The following SOBP variants were observed in gnomAD, a reference collection of about 807,000 sequenced individuals.
The protein encoded by SOBP is sine oculis-binding protein homolog.
A neutral mutation model predicts 53.6 loss-of-function variants in SOBP; 4 were observed. The ratio of observed to expected loss-of-function variants is 0.07; its 90% CI spans 0.04 to 0.17. The LOEUF (loss-of-function observed/expected upper bound fraction) is 0.17, where lower values mean the gene tolerates loss of function less well. SOBP is among the 10% of genes least tolerant of loss of function. The pLI is 1.00. For synonymous variants in SOBP, 584 were observed against 522.6 expected (o/e 1.12, Z -1.60); for missense variants, 1,088 against 1,204.7 (o/e 0.90, Z 1.43).
rs375363427 is a variant in SOBP, at chr6:107,578,030, C to T, written c.574-9050C>T. Among the ~76,000 whole-genome samples the T allele has an allele frequency of 1.2e-4, 18 of 145,390 alleles. No homozygotes were observed. In the South Asian group the frequency reaches 3.3e-3, roughly 27 times the overall value. ...CGAAGCTTGCAGTGAGCCGAGATGGCGCCACTGCGCTCCAGCCTGGGCTAC... is the reference window on the plus strand; with the variant it reads ...CGAAGCTTGCAGTGAGCCGAGATGGTGCCACTGCGCTCCAGCCTGGGCTAC... On this transcript the variant is annotated intron_variant, in intron 4 of 6. Transcript: ENST00000317357.
At chr6:107,644,217 C>T (rs1344657399) in intron 6 of SOBP, among the ~76,000 whole-genome samples, 1 of 151,840 alleles carries the variant, frequency 6.6e-6, no homozygotes, top group Non-Finnish European at 1.5e-5. Flanking sequence ...GGCATGAGAA[C>T]AGCTTGAACC....
chr6:107,542,806 G>A (rs906163003), intron 4 of SOBP, among the ~76,000 whole-genome samples: 5 of 151,938 alleles, frequency 3.3e-5, no homozygotes, highest in African/African-American at 1.2e-4. Context: ...AGGCACCAGG[G>A]AGGGATGCTG....
intron 4 of SOBP, among the ~76,000 whole-genome samples, chr6:107,582,540 G>A (rs969327760): frequency 6.8e-6 from 1 of 146,422 alleles, no homozygotes; most frequent in Non-Finnish European, 1.5e-5. Context: ...AAGGATTTTT[G>A]TTTCTGTTAT....
At chr6:107,539,800 C>T (rs1210641790) in intron 4 of SOBP, among the ~76,000 whole-genome samples, 4 of 152,220 alleles carry the variant, frequency 2.6e-5, no homozygotes, top group African/African-American at 9.7e-5. Context: ...TTGCCACTAA[C>T]AGTGTTCAGC....
intron 3 of SOBP, among the ~76,000 whole-genome samples, chr6:107,516,438 A>G (rs1432309398): frequency 1.3e-5 from 2 of 151,668 alleles, no homozygotes; most frequent in Non-Finnish European, 2.9e-5. Flanking sequence ...GGATTGCACC[A>G]TTGTACTCCA....
chr6:107,580,876 GCT>G (rs1351137138), intron 4 of SOBP, among the ~76,000 whole-genome samples: 2 of 152,208 alleles, frequency 1.3e-5, no homozygotes, highest in African/African-American at 4.8e-5. Context: ...TGATCAGATA[GCT>G]CCAGGAGAGC....
chr6:107,646,644 A>G (rs1305642843), intron 6 of SOBP, among the ~76,000 whole-genome samples: 1 of 152,232 alleles, frequency 6.6e-6, no homozygotes, highest in Non-Finnish European at 1.5e-5. Flanking sequence ...TCTCAGCATC[A>G]GAATCAGATC....
chr6:107,656,286 GA>G (rs1320068187), intron 6 of SOBP, among the ~76,000 whole-genome samples: 3 of 127,594 alleles, frequency 2.4e-5, no homozygotes, highest in African/African-American at 6.3e-5. Context: ...GAGAAAGAAA[GA>G]AAAGAAAGAA....
intron 5 of SOBP, among the ~76,000 whole-genome samples, chr6:107,627,672 G>A (rs1037365328): frequency 1.3e-5 from 2 of 152,088 alleles, no homozygotes; most frequent in African/African-American, 4.8e-5. Context: ...CAAATAAAAA[G>A]AACTATGTAG....
chr6:107,552,321 G>A (rs73762258), intron 4 of SOBP, among the ~76,000 whole-genome samples: 1 of 152,304 alleles, frequency 6.6e-6, no homozygotes, highest in African/African-American at 2.4e-5. Context: ...TCTTGATGGA[G>A]AACTGCAGGT....
chr6:107,553,552 T>G (rs1784527697), intron 4 of SOBP, among the ~76,000 whole-genome samples: 2 of 151,352 alleles, frequency 1.3e-5, no homozygotes, highest in Admixed American at 1.3e-4. Context: ...AGTGCAGTGG[T>G]CTCGGCTTAC....
At chr6:107,629,924 T>A (rs562765569) in intron 5 of SOBP, among the ~76,000 whole-genome samples, 1 of 152,362 alleles carries the variant, frequency 6.6e-6, no homozygotes, top group South Asian at 2.1e-4. Flanking sequence ...GTTTATCTCC[T>A]TTGTGATCTT....
chr6:107,520,603 A>C (rs1436181162), intron 3 of SOBP, among the ~76,000 whole-genome samples: 2 of 152,224 alleles, frequency 1.3e-5, no homozygotes, highest in Admixed American at 6.5e-5. Flanking sequence ...ACCTTGTCCC[A>C]GGTCAACAAG....
At chr6:107,513,115 C>T (rs115242164) in intron 3 of SOBP, among the ~76,000 whole-genome samples, 37 of 152,338 alleles carry the variant, frequency 2.4e-4, no homozygotes, top group African/African-American at 7.9e-4. Flanking sequence ...CCATACGGCA[C>T]AGACAGGTTT....
chr6:107,559,305 G>A (rs770660101), intron 4 of SOBP, among the ~76,000 whole-genome samples: 1 of 152,078 alleles, frequency 6.6e-6, no homozygotes, highest in Non-Finnish European at 1.5e-5. Flanking sequence ...CGACGTAAAG[G>A]GTGCATTTTT....
chr6:107,656,594 C>T (rs954933918), intron 6 of SOBP, among the ~76,000 whole-genome samples: 4 of 152,158 alleles, frequency 2.6e-5, no homozygotes, highest in Admixed American at 6.5e-5. Flanking sequence ...CACAGTGAAA[C>T]TTTCAAACCT....
At chr6:107,533,271 CAAAAAAA>C (rs762864049) in intron 3 of SOBP, among the ~76,000 whole-genome samples, 181 bp from the exon 4 acceptor site, 1,470 of 32,848 alleles carry the variant, frequency 0.045, 33 homozygotes, top group East Asian at 0.2. Context: ...ACTTAGGAGC[CAAAAAAA>C]AAAAAAAAAA....
At chr6:107,624,298 C>T (rs976067527) in intron 5 of SOBP, among the ~76,000 whole-genome samples, 1 of 152,174 alleles carries the variant, frequency 6.6e-6, no homozygotes, top group Non-Finnish European at 1.5e-5. Flanking sequence ...GGGGCATTAA[C>T]AAGGTGAAGT....
intron 5 of SOBP, among the ~76,000 whole-genome samples, chr6:107,599,419 A>G (rs577179587): frequency 6.6e-6 from 1 of 152,334 alleles, no homozygotes; most frequent in East Asian, 1.9e-4. Flanking sequence ...ATCTTATGAT[A>G]TACAGCTTTC....
Sources: allele counts gnomAD v4.1 joint callset (sites outside exome capture counted in the v4.1 genomes callset), GRCh38; gene constraint gnomAD v4.1.1; transcripts MANE v1.5; gene names NCBI Gene and HGNC (gene_info 2026-07-23, HGNC 2026-07-21).